The following MEI4 variants were observed in gnomAD, a reference collection of about 807,000 sequenced individuals.
The protein encoded by MEI4 is meiosis-specific protein MEI4.
A neutral mutation model predicts 31.4 loss-of-function variants in MEI4; 27 were observed. The ratio of observed to expected loss-of-function variants is 0.86; its 90% CI spans 0.63 to 1.19. MEI4 has a LOEUF of 1.19. Ranked by LOEUF, MEI4 falls within the 50% of genes most tolerant of loss-of-function variation. The probability of loss-of-function intolerance (pLI) is 0.00; values close to 1 mark genes in which losing one functional copy is unlikely to be tolerated. For synonymous variants in MEI4, 122 were observed against 145.4 expected (o/e 0.84, Z 1.16); for missense variants, 329 against 398.9 (o/e 0.82, Z 1.49).
chr6:77,925,069 C>G lies in MEI4; in HGVS notation c.*1723C>G, dbSNP rs72900566. The stretch of plus-strand genomic sequence containing the variant: ...ACACAAAATCCACTTTCCATGACAC[C>G]TTCATCTTCTTTCATTGTGATTAAA... On this transcript the variant is annotated 3_prime_UTR_variant, in exon 5 of 5. Transcript: ENST00000684080. 16 of 151,932 alleles carry G rather than the reference C, an allele frequency of 1.1e-4. No homozygotes were observed. The highest frequency in any genetic ancestry group is 1.8e-4 in the Non-Finnish European group (12 of 67,878). 9.4% of individuals were successfully genotyped at this position (151,932 alleles called of 1,614,324 possible).
intron 1 of MEI4, among the ~76,000 whole-genome samples, chr6:77,686,165 C>T (rs572055743): frequency 2.0e-5 from 3 of 152,240 alleles, no homozygotes; most frequent in African/African-American, 4.8e-5. Context: ...AAGCTGGCAC[C>T]GTGCCTCTCT....
chr6:77,748,072 T>C (rs1260474522), intron 2 of MEI4, among the ~76,000 whole-genome samples: 2 of 152,146 alleles, frequency 1.3e-5, no homozygotes, highest in Non-Finnish European at 2.9e-5. Flanking sequence ...CGTCACAGGG[T>C]AGCATTCAGT....
At chr6:77,830,699 T>C (rs1030773292) in intron 4 of MEI4, among the ~76,000 whole-genome samples, 2 of 152,006 alleles carry the variant, frequency 1.3e-5, no homozygotes, top group South Asian at 4.1e-4. Flanking sequence ...TGGATATCCA[T>C]ATGCAAAAGA....
chr6:77,765,924 G>A lies in MEI4; in HGVS notation c.768+4259G>A, dbSNP rs192119986. Among the ~76,000 whole-genome samples the A allele has an allele frequency of 3.4e-4, 52 of 152,110 alleles. 1 individual carries two copies. The highest frequency in any genetic ancestry group is 5.8e-4 in the East Asian group (3 of 5,164). ...AAACCATCATTCTCAGCAAAGTATC[G>A]CAAGGACAAAAAACCAAACACCACA... On this transcript the variant is annotated intron_variant, in intron 3 of 4. Transcript: ENST00000684080.
intron 2 of MEI4, among the ~76,000 whole-genome samples, chr6:77,695,410 G>A (rs1766000898): frequency 6.6e-6 from 1 of 152,188 alleles, no homozygotes; most frequent in Non-Finnish European, 1.5e-5. Flanking sequence ...TAACATGTAA[G>A]TCTTTAATCC....
At chr6:77,744,104 A>G (rs1767507865) in intron 2 of MEI4, among the ~76,000 whole-genome samples, 1 of 152,240 alleles carries the variant, frequency 6.6e-6, no homozygotes. Context: ...CAGCAATGGA[A>G]CAAAGCTGGA....
chr6:77,733,075 GA>G lies in MEI4; in HGVS notation c.233-28054del, dbSNP rs1313089287. Among the ~76,000 whole-genome samples, 11 of 151,828 alleles carry G rather than the reference GA, an allele frequency of 7.2e-5. 1 individual carries two copies. Among genetic ancestry groups the G allele is most frequent in the African/African-American group, 2.7e-4 (11 of 41,182 alleles). On this transcript the variant is annotated intron_variant, in intron 2 of 4. Transcript: ENST00000684080. ...TGCATCAATGTTCATCAAGGATATTGATCTAAAATTCTCTTTTTTGGTTGTG... is the reference window on the plus strand; with the variant it reads ...TGCATCAATGTTCATCAAGGATATTGTCTAAAATTCTCTTTTTTGGTTGTG...
intron 3 of MEI4, among the ~76,000 whole-genome samples, chr6:77,810,668 T>G (rs1246822585): frequency 6.6e-6 from 1 of 152,212 alleles, no homozygotes; most frequent in African/African-American, 2.4e-5. Context: ...TTGGCTAGAA[T>G]CTTGCTGTTA....
Position 77,793,101 on chromosome 6 carries a change from AT to A in MEI4, c.768+31446del, listed in dbSNP as rs75181414. On this transcript the variant is annotated intron_variant, in intron 3 of 4. Transcript: ENST00000684080. Reference sequence around the variant, plus strand: ...AAAATCATTTGACCATAGTGCATGGATTTTTTTTTTCTGAGCTTGCTATTAA... The same window carrying A: ...AAAATCATTTGACCATAGTGCATGGATTTTTTTTTCTGAGCTTGCTATTAA... Among the ~76,000 whole-genome samples, 570 of 150,580 alleles carry A rather than the reference AT, an allele frequency of 3.8e-3. 13 individuals carry two copies. The highest frequency in any genetic ancestry group is 0.027 in the Admixed American group (411 of 15,082).
chr6:77,920,976 T>C (rs1294523704), intron 4 of MEI4, among the ~76,000 whole-genome samples: 3 of 151,910 alleles, frequency 2.0e-5, no homozygotes, highest in Admixed American at 2.0e-4. Context: ...TCCAGAATTG[T>C]TGAAATGGTA....
intron 2 of MEI4, among the ~76,000 whole-genome samples, chr6:77,727,152 G>T (rs1003058442): frequency 6.6e-6 from 1 of 152,140 alleles, no homozygotes; most frequent in Non-Finnish European, 1.5e-5. Context: ...ACCCTCCAGG[G>T]TTAGTGAAGG....
intron 1 of MEI4, among the ~76,000 whole-genome samples, chr6:77,655,502 C>T (rs1302040507): frequency 3.9e-5 from 6 of 152,176 alleles, no homozygotes; most frequent in African/African-American, 1.4e-4. Context: ...ACTTCCTCCT[C>T]TGCTGTTTAA....
intron 2 of MEI4, among the ~76,000 whole-genome samples, chr6:77,726,858 G>A (rs1228020229): frequency 6.6e-6 from 1 of 152,120 alleles, no homozygotes; most frequent in African/African-American, 2.4e-5. Context: ...CTGACTAGCT[G>A]TAGGAGAGAA....
At chr6:77,876,683 T>C (rs1056998095) in intron 4 of MEI4, among the ~76,000 whole-genome samples, 4 of 152,114 alleles carry the variant, frequency 2.6e-5, no homozygotes, top group Non-Finnish European at 4.4e-5. Context: ...TCCTCTGCCT[T>C]CCCTTAAATG....
rs1294070099 is a variant in MEI4, at chr6:77,658,668, TAGA to T, written c.-15+5581_-15+5583del. 2.0e-5 allele frequency among the ~76,000 whole-genome samples: 3 copies of T among 152,124 alleles called. No individual in the cohort carries two copies. The East Asian group carries it at 5.8e-4, about 30-fold the overall frequency. ...GTAAAGGGTGATATTGTGGGGATGT[TAGA>T]AGAAACATTTGTTGTATATAATGAT... On this transcript the variant is annotated intron_variant, in intron 1 of 4. Transcript: ENST00000684080.
At chr6:77,872,844 C>G (rs1581940310) in intron 4 of MEI4, among the ~76,000 whole-genome samples, 1 of 149,526 alleles carries the variant, frequency 6.7e-6, no homozygotes, top group East Asian at 2.0e-4. Context: ...GGTTTTTTGT[C>G]CTTGCAATAG....
chr6:77,809,364 TG>T (rs962522656), intron 3 of MEI4, among the ~76,000 whole-genome samples: 1 of 152,126 alleles, frequency 6.6e-6, no homozygotes, highest in African/African-American at 2.4e-5. Context: ...AGAAACAGAT[TG>T]GGGTAGTAGG....
At chr6:77,869,979 T>C (rs529559909) in intron 4 of MEI4, among the ~76,000 whole-genome samples, 1 of 152,214 alleles carries the variant, frequency 6.6e-6, no homozygotes, top group East Asian at 1.9e-4. Context: ...ACATTCCCTC[T>C]TGTCAGAGCT....
intron 2 of MEI4, among the ~76,000 whole-genome samples, chr6:77,729,263 C>T (rs1561960956): frequency 1.3e-5 from 2 of 152,174 alleles, no homozygotes. Flanking sequence ...ATTACTGGAA[C>T]TCTAAGCATG....
Sources: allele counts gnomAD v4.1 joint callset (sites outside exome capture counted in the v4.1 genomes callset), GRCh38; gene constraint gnomAD v4.1.1; transcripts MANE v1.5; gene names NCBI Gene and HGNC (gene_info 2026-07-23, HGNC 2026-07-21).